Variants in ZNF638 observed in about 807,000 individuals in gnomAD.
The protein encoded by ZNF638 is CTCL tumor antigen se33-1.
Under a neutral mutation model 195.6 loss-of-function variants are expected in ZNF638, and 46 were observed. The ratio of observed to expected loss-of-function variants is 0.24; its 90% CI spans 0.19 to 0.30. ZNF638 has a LOEUF of 0.30. ZNF638 is among the 10% of genes least tolerant of loss of function. The probability of loss-of-function intolerance (pLI) is 1.00; values close to 1 mark genes in which losing one functional copy is unlikely to be tolerated. For synonymous variants in ZNF638, 845 were observed against 772.0 expected, an observed-to-expected ratio of 1.09 and a Z score of -1.57; for missense variants, 2,440 against 2,325.3, an observed-to-expected ratio of 1.05 and a Z score of -1.01.
chr2:71,363,861 A>T, intron 4 of ZNF638, 93 bp from the exon 5 acceptor site: 1 of 1,415,052 alleles, frequency 7.1e-7, no homozygotes, highest in Non-Finnish European at 9.4e-7. Context: ...TATTGTTAAC[A>T]GTCTGTTTTT....
At chr2:71,383,645 G>T (rs1173759391) in intron 10 of ZNF638, among the ~76,000 whole-genome samples, 2 of 145,626 alleles carry the variant, frequency 1.4e-5, no homozygotes, top group African/African-American at 5.1e-5. Context: ...CATGATCTTG[G>T]CTCACTGCAA....
rs377559419 is a variant in ZNF638 at position 71,433,303 on chromosome 2, C to G, written c.5871+20C>G. 2.6e-6 allele frequency: 4 copies of G among 1,542,898 alleles called. No homozygotes were observed. The highest frequency in any genetic ancestry group is 1.7e-5 in the Admixed American group (1 of 59,346). On this transcript the variant is annotated intron_variant, in intron 27 of 27. Transcript: ENST00000264447. ...ACTGAGGTAATTTTAAAAATTCTTA[C>G]AAAATCTTGAGGTGTTGTTATTGTC...
At chr2:71,432,424 C>T (rs530753326) in intron 26 of ZNF638, among the ~76,000 whole-genome samples, 1 of 152,304 alleles carries the variant, frequency 6.6e-6, no homozygotes, top group Admixed American at 6.5e-5. Context: ...TGGTCTCAAA[C>T]CCCTGAGCTC....
At chr2:71,420,202 A>G (rs1392160764) in intron 21 of ZNF638, among the ~76,000 whole-genome samples, 2 of 151,560 alleles carry the variant, frequency 1.3e-5, no homozygotes, top group South Asian at 2.1e-4. Flanking sequence ...AGCTGGTACT[A>G]CATGCACTTG....
At chr2:71,335,985 C>T (rs2078659925) in intron 1 of ZNF638, among the ~76,000 whole-genome samples, 1 of 152,168 alleles carries the variant, frequency 6.6e-6, no homozygotes, top group Non-Finnish European at 1.5e-5. Flanking sequence ...TTAGAGTTTA[C>T]TTGAAGAAAA....
intron 2 of ZNF638, among the ~76,000 whole-genome samples, chr2:71,353,657 G>A (rs561907200): frequency 4.6e-5 from 7 of 152,270 alleles, no homozygotes; most frequent in African/African-American, 1.7e-4. Context: ...AAATAGGGCA[G>A]CCATCATCTT....
intron 8 of ZNF638, among the ~76,000 whole-genome samples, chr2:71,377,160 T>A (rs920363124): frequency 1.3e-5 from 2 of 151,730 alleles, no homozygotes; most frequent in African/African-American, 4.8e-5. Context: ...AGCTGCTGGG[T>A]AGGGTGCGGT....
intron 15 of ZNF638, 40 bp from the exon 16 acceptor site, chr2:71,401,916 A>T: frequency 6.7e-7 from 1 of 1,501,496 alleles, no homozygotes; most frequent in South Asian, 1.3e-5. Flanking sequence ...ATATGAAACA[A>T]AGAAATTTTA....
At chr2:71,380,467 C>CTTTT (rs749687770) in intron 9 of ZNF638, 46 bp from the exon 10 acceptor site, 2 of 1,519,062 alleles carry the variant, frequency 1.3e-6, no homozygotes, top group South Asian at 2.5e-5. Flanking sequence ...TTTTGTAGAA[C>CTTTT]TTAGAATTCC....
At chr2:71,401,286 G>A (rs562377390) in intron 15 of ZNF638, among the ~76,000 whole-genome samples, 12 of 152,198 alleles carry the variant, frequency 7.9e-5, no homozygotes, top group African/African-American at 2.9e-4. Flanking sequence ...GGAGTAATTG[G>A]CATTGATGAG....
intron 2 of ZNF638, among the ~76,000 whole-genome samples, chr2:71,352,845 T>A (rs943149646): frequency 1.3e-5 from 2 of 152,120 alleles, no homozygotes; most frequent in African/African-American, 4.8e-5. Flanking sequence ...AAAACCTGGG[T>A]TAATAGGATA....
rs192497267 is a variant in ZNF638, at chr2:71,424,214, G to C, written c.4524+176G>C. On this transcript the variant is annotated intron_variant, in intron 22 of 27. Coordinates refer to ENST00000264447, the MANE Select transcript of ZNF638 (RefSeq NM_014497.5). ...TTGTTTAAGCCAGTAGACATTCAGA[G>C]TATTAAACTCAAGTTCATAATTTAT... Among the ~76,000 whole-genome samples the C allele has an allele frequency of 4.1e-3, 624 of 151,054 alleles. 3 individuals carry two copies. The highest frequency in any genetic ancestry group is 0.015 in the African/African-American group (597 of 41,136).
chr2:71,364,254 T>G lies in ZNF638; in HGVS notation c.1717+2T>G, dbSNP rs1251375196. The G allele has an allele frequency of 6.2e-7, 1 of 1,606,790 alleles. No individual in the cohort carries two copies. The highest frequency in any genetic ancestry group is 8.5e-7 in the Non-Finnish European group (1 of 1,175,502). On this transcript the variant is annotated splice_donor_variant, in intron 5 of 27. Transcript: ENST00000264447. LOFTEE classifies it high-confidence loss of function. ...CAAGGAGATCAGTGAGATCATCAGG[T>G]ACACTGATGGCCATGAAATAGTGAA...
At chr2:71,433,407 T>TC in intron 27 of ZNF638, 124 bp downstream of exon 27, 1 of 688,344 alleles carries the variant, frequency 1.5e-6, no homozygotes. Context: ...TTATTCCTCT[T>TC]AAGTCCTGTT....
chr2:71,392,236 A>T (rs2079796480), intron 10 of ZNF638, among the ~76,000 whole-genome samples: 1 of 152,212 alleles, frequency 6.6e-6, no homozygotes, highest in South Asian at 2.1e-4. Context: ...TTCTTATCTC[A>T]TACTCCTCTA....
At chr2:71,369,208 A>T (rs2104296435) in intron 7 of ZNF638, among the ~76,000 whole-genome samples, 1 of 151,218 alleles carries the variant, frequency 6.6e-6, no homozygotes, top group East Asian at 2.0e-4. Context: ...CTGTAATCCC[A>T]CCTACGTGGG....
At chr2:71,393,697 C>A (rs1054441213) in intron 10 of ZNF638, 9 of 697,276 alleles carry the variant, frequency 1.3e-5, no homozygotes, top group Non-Finnish European at 2.1e-5. Context: ...TCCCCTGCAA[C>A]CCGTACCGGC....
chr2:71,350,070 T>C lies in ZNF638; in HGVS notation c.1116T>C (p.Asn372=). 1 of 1,614,188 alleles carries C rather than the reference T, an allele frequency of 6.2e-7. No homozygotes were observed. Among genetic ancestry groups the C allele is most frequent in the Non-Finnish European group, 8.5e-7 (1 of 1,180,044 alleles). Residue 372 remains asparagine, a synonymous_variant, in exon 2 of 28, where the codon AAT becomes AAC. Transcript: ENST00000264447. ...VHVGSRGSKK[N]YQSQADIPIR... is the part of the protein sequence containing the mutation. Reference sequence around the variant, plus strand: ...TTGGATCAAGAGGAAGTAAAAAGAATTACCAGTCACAGGCTGACATTCCCA... The same window carrying C: ...TTGGATCAAGAGGAAGTAAAAAGAACTACCAGTCACAGGCTGACATTCCCA...
Position 71,399,638 on chromosome 2 carries a change from T to G in ZNF638, c.2580T>G (p.Thr860=), listed in dbSNP as rs2079965579. ...VKNKDSNKPV[T]IPENSEIKTS... is the part of the protein sequence containing the mutation. ...ACAAAGACTCTAACAAACCTGTGAC[T>G]ATACCAGGTAAGCTTGAAATGTGGT... Residue 860 remains threonine (T), a synonymous_variant, in exon 13 of 28, where the codon ACT becomes ACG. Transcript: ENST00000264447. The G allele has an allele frequency of 2.5e-6, 4 of 1,608,720 alleles. No homozygotes were observed. Among genetic ancestry groups the G allele is most frequent in the Admixed American group, 3.4e-5 (2 of 59,070 alleles).
Sources: allele counts gnomAD v4.1 joint callset (sites outside exome capture counted in the v4.1 genomes callset), GRCh38; gene constraint gnomAD v4.1.1; transcripts MANE v1.5; gene names NCBI Gene and HGNC (gene_info 2026-07-23, HGNC 2026-07-21).